Variants in TIFA observed in about 807,000 individuals in gnomAD.
TIFA encodes TRAF interacting protein with forkhead associated domain, also known as TRAF-interacting protein with FHA domain-containing protein A.
For missense variants in TIFA, 186 were observed against 215.2 expected (o/e 0.86, Z 0.85); for synonymous variants, 75 against 79.2 (o/e 0.95, Z 0.28).
In TIFA at chr4:112,277,108, T is replaced by G. The variant is rs1727130495; in HGVS notation, c.*754A>C. 1 of 152,232 alleles carries G rather than the reference T, an allele frequency of 6.6e-6. No homozygotes were observed. Among genetic ancestry groups the G allele is most frequent in the South Asian group, 2.1e-4 (1 of 4,834 alleles). The allele number at this position is 152,232 out of a possible 1,614,324, so 9.4% of individuals were successfully genotyped here. A position where few individuals can be genotyped will look rare whatever the true frequency, so the allele number is the denominator to read the frequency against. On this transcript the variant is annotated 3_prime_UTR_variant, in exon 2 of 2. Transcript: ENST00000361717. The stretch of plus-strand genomic sequence containing the variant: ...GGCTAATTAAACTTTGATTTTATTA[T>G]GTACATGGATACTATTAAAAAGGTG...
rs1727071530 is a variant in TIFA, at chr4:112,274,630, A to C, written c.*3232T>G. The C allele has an allele frequency of 6.6e-6, 1 of 152,230 alleles. No individual in the cohort carries two copies. The highest frequency in any genetic ancestry group is 2.1e-4 in the South Asian group (1 of 4,838). The allele number at this position is 152,230 out of a possible 1,614,324, so 9.4% of individuals were successfully genotyped here. On this transcript the variant is annotated 3_prime_UTR_variant, in exon 2 of 2. Transcript: ENST00000361717. ...GGTAACATAAAACCATCCACCACATATACACACACACAAAGTTAACAGTAG... is the reference window on the plus strand; with the variant it reads ...GGTAACATAAAACCATCCACCACATCTACACACACACAAAGTTAACAGTAG...
rs773253158 is a variant in TIFA at position 112,278,134 on chromosome 4, T to G, written c.283A>C (p.Asn95His). Residue 95 changes from asparagine (N) to histidine (H), a missense_variant, in exon 2 of 2, where the codon AAT (asparagine) becomes CAT (histidine). Coordinates refer to ENST00000361717, the MANE Select transcript of TIFA (RefSeq NM_052864.3). The part of the protein sequence containing the change: ...FEIKNMSKKT[N>H]LIVDSRELGY... Reference sequence around the variant, plus strand: ...AGCTCTCTGCTGTCCACGATCAGATTGGTCTTTTTACTCATATTTTTTATT... The same window carrying G: ...AGCTCTCTGCTGTCCACGATCAGATGGGTCTTTTTACTCATATTTTTTATT... 2.6e-5 allele frequency: 42 copies of G among 1,613,970 alleles called. No individual in the cohort carries two copies. Among genetic ancestry groups the G allele is most frequent in the Non-Finnish European group, 3.3e-5 (39 of 1,180,024 alleles).
rs151109482 is a variant in TIFA at position 112,277,016 on chromosome 4, C to T, written c.*846G>A. 455 of 152,208 alleles carry T rather than the reference C, an allele frequency of 3.0e-3. 2 individuals carry two copies. The highest frequency in any genetic ancestry group is 0.01 in the African/African-American group (434 of 41,546). The allele number at this position is 152,208 out of a possible 1,614,324, so 9.4% of individuals were successfully genotyped here. On this transcript the variant is annotated 3_prime_UTR_variant, in exon 2 of 2. Coordinates refer to ENST00000361717, the MANE Select transcript of TIFA (RefSeq NM_052864.3). ...AGCGTTTATCATAAACATTCACATA[C>T]ATTTATCTCTGTAAAGTGGCCCAAG...
Position 112,278,484 on chromosome 4 carries a change from G to C in TIFA, c.-18-50C>G, listed in dbSNP as rs578220761. On this transcript the variant is annotated intron_variant, in intron 1 of 1. Coordinates refer to ENST00000361717, the MANE Select transcript of TIFA (RefSeq NM_052864.3). ...AGTTTCTGCTTATGCTTGAGGCATTGAGAACTTTGATTCTAACGTTTTGAT... is the reference window on the plus strand; with the variant it reads ...AGTTTCTGCTTATGCTTGAGGCATTCAGAACTTTGATTCTAACGTTTTGAT... 2,267 of 1,462,180 alleles carry C rather than the reference G, an allele frequency of 1.6e-3. 67 individuals are homozygous for C. The South Asian group carries it at 0.03, about 19-fold the overall frequency. 90.6% of individuals were successfully genotyped at this position (1,462,180 alleles called of 1,614,324 possible). A position where few individuals can be genotyped will look rare whatever the true frequency, so the allele number is the denominator to read the frequency against.
rs1255415536 is a variant in TIFA, at chr4:112,277,686, T to C, written c.*176A>G. On this transcript the variant is annotated 3_prime_UTR_variant, in exon 2 of 2. Transcript: ENST00000361717. The stretch of plus-strand genomic sequence containing the variant: ...TTGTGTAGATCCAGAATACAACAGG[T>C]GACTAAGTTAATGACTAACACAATT... The C allele has an allele frequency of 2.4e-5, 10 of 417,370 alleles. No homozygotes were observed. The highest frequency in any genetic ancestry group is 5.2e-5 in the Admixed American group (1 of 19,398). The allele number at this position is 417,370 out of a possible 1,614,324, so 25.9% of individuals were successfully genotyped here. A position where few individuals can be genotyped will look rare whatever the true frequency, so the allele number is the denominator to read the frequency against.
chr4:112,277,691 A>AG lies in TIFA; in HGVS notation c.*170_*171insC. On this transcript the variant is annotated 3_prime_UTR_variant, in exon 2 of 2. Transcript: ENST00000361717. ...TAGATCCAGAATACAACAGGTGACTAAGTTAATGACTAACACAATTTACAG... is the reference window on the plus strand; with the variant it reads ...TAGATCCAGAATACAACAGGTGACTAGAGTTAATGACTAACACAATTTACAG... The AG allele has an allele frequency of 2.1e-6, 1 of 481,910 alleles. No individual in the cohort carries two copies. The highest frequency in any genetic ancestry group is 3.3e-6 in the Non-Finnish European group (1 of 302,362). The allele number at this position is 481,910 out of a possible 1,614,324, so 29.9% of individuals were successfully genotyped here.
In TIFA at chr4:112,277,726, TGA is replaced by T. The variant is rs5861094; in HGVS notation, c.*134_*135del. The T allele has an allele frequency of 0.53, 475,030 of 895,668 alleles. 129,306 individuals are homozygous for T. The highest frequency in any genetic ancestry group is 0.77 in the African/African-American group (44,890 of 58,476). The allele number at this position is 895,668 out of a possible 1,614,324, so 55.5% of individuals were successfully genotyped here. Reference sequence around the variant, plus strand: ...CTAACACAATTTACAGACTTCAAAATGATAATACTGAATTCCAAATTTCACAG... The same window carrying T: ...CTAACACAATTTACAGACTTCAAAATTAATACTGAATTCCAAATTTCACAG... On this transcript the variant is annotated 3_prime_UTR_variant, in exon 2 of 2. Transcript: ENST00000361717.
chr4:112,285,890 G>T lies in TIFA; in HGVS notation c.-269C>A, dbSNP rs934902366. ...TGGCAGAGCACGTCCTCTCGCGCCC[G>T]GGGCCTTTGTAAAGAGCGCAGCGGT... On this transcript the variant is annotated 5_prime_UTR_variant, in exon 1 of 2. Coordinates refer to ENST00000361717, the MANE Select transcript of TIFA (RefSeq NM_052864.3). The T allele has an allele frequency of 1.3e-5, 2 of 152,202 alleles. No homozygotes were observed. The highest frequency in any genetic ancestry group is 2.9e-5 in the Non-Finnish European group (2 of 68,042). The allele number at this position is 152,202 out of a possible 1,614,324, so 9.4% of individuals were successfully genotyped here.
At chr4:112,281,765 A>T (rs945831954) in intron 1 of TIFA, 6 of 152,224 alleles carry the variant, frequency 3.9e-5, no homozygotes, top group Admixed American at 1.3e-4. Context: ...CACAAGGAGC[A>T]GCTCAGTCTG....
At chr4:112,281,688 C>G (rs1192630901) in intron 1 of TIFA, 1 of 149,648 alleles carries the variant, frequency 6.7e-6, no homozygotes, top group African/African-American at 2.5e-5. Context: ...TACTTCCAAG[C>G]AGAAACTTAA....
chr4:112,276,904 A>G lies in TIFA; in HGVS notation c.*958T>C, dbSNP rs1727125428. On this transcript the variant is annotated 3_prime_UTR_variant, in exon 2 of 2. Coordinates refer to ENST00000361717, the MANE Select transcript of TIFA (RefSeq NM_052864.3). ...AACATTCATAGCTACCTTAGTTAAGATAAGTCGAATAAGTATCTTAAATAA... is the reference window on the plus strand; with the variant it reads ...AACATTCATAGCTACCTTAGTTAAGGTAAGTCGAATAAGTATCTTAAATAA... The G allele has an allele frequency of 6.6e-6, 1 of 152,320 alleles. No individual in the cohort carries two copies. The highest frequency in any genetic ancestry group is 6.5e-5 in the Admixed American group (1 of 15,300). The allele number at this position is 152,320 out of a possible 1,614,324, so 9.4% of individuals were successfully genotyped here.
chr4:112,278,138 C>G lies in TIFA; in HGVS notation c.279G>C (p.Lys93Asn). ...CTCTGCTGTCCACGATCAGATTGGT[C>G]TTTTTACTCATATTTTTTATTTCAA... ...LSFEIKNMSK[K>N]TNLIVDSREL... The change falls in exon 2 of 2, where the codon AAG (lysine) becomes AAC (asparagine). Residue 93 changes from lysine to asparagine, a missense_variant. Lys to Asn is a moderately conservative substitution (Grantham distance 94). Transcript: ENST00000361717. 1 of 1,613,976 alleles carries G rather than the reference C, an allele frequency of 6.2e-7. No homozygotes were observed. Among genetic ancestry groups the G allele is most frequent in the Non-Finnish European group, 8.5e-7 (1 of 1,180,000 alleles).
intron 1 of TIFA, chr4:112,281,586 C>T (rs970846294): frequency 6.6e-6 from 1 of 152,188 alleles, no homozygotes; most frequent in Non-Finnish European, 1.5e-5. Flanking sequence ...GCTACCCCAT[C>T]CTTGCAGGCC....
chr4:112,277,698 T>TAAAAAAAG lies in TIFA; in HGVS notation c.*163_*164insCTTTTTTT. 1.7e-6 allele frequency: 1 copy of TAAAAAAAG among 574,174 alleles called. No homozygotes were observed. 35.6% of individuals were successfully genotyped at this position (574,174 alleles called of 1,614,324 possible). On this transcript the variant is annotated 3_prime_UTR_variant, in exon 2 of 2. Transcript: ENST00000361717. ...AGAATACAACAGGTGACTAAGTTAATGACTAACACAATTTACAGACTTCAA... is the reference window on the plus strand; with the variant it reads ...AGAATACAACAGGTGACTAAGTTAATAAAAAAAGGACTAACACAATTTACAGACTTCAA...
chr4:112,283,994 T>A (rs150295049), intron 1 of TIFA, among the ~76,000 whole-genome samples: 2 of 152,224 alleles, frequency 1.3e-5, no homozygotes, highest in South Asian at 4.1e-4. Flanking sequence ...AACAATAATA[T>A]CTGTGTTAAC....
intron 1 of TIFA, among the ~76,000 whole-genome samples, chr4:112,284,716 TGAGCACACAG>T (rs1327376908): frequency 6.6e-6 from 1 of 150,810 alleles, no homozygotes; most frequent in East Asian, 2.0e-4. Flanking sequence ...TACCGAACAC[TGAGCACACAG>T]GAGGGGAACA....
intron 1 of TIFA, among the ~76,000 whole-genome samples, chr4:112,283,154 C>A (rs747779813): frequency 7.2e-5 from 11 of 152,188 alleles, no homozygotes; most frequent in Admixed American, 4.6e-4. Context: ...CCTCTCTTAA[C>A]CATTACAAAC....
intron 1 of TIFA, among the ~76,000 whole-genome samples, chr4:112,284,385 T>A (rs1485548304): frequency 6.6e-6 from 1 of 152,082 alleles, no homozygotes; most frequent in East Asian, 1.9e-4. Flanking sequence ...CCAAAGGGTG[T>A]TCGGCCTTAA....
In TIFA at chr4:112,278,048, CTG is replaced by C. The variant is rs1443404553; in HGVS notation, c.367_368del (p.Gln123ValfsTer15). 6.2e-7 allele frequency: 1 copy of C among 1,614,032 alleles called. No individual in the cohort carries two copies. Among genetic ancestry groups the C allele is most frequent in the Non-Finnish European group, 8.5e-7 (1 of 1,179,994 alleles). The part of the protein sequence containing the change: ...YRCMVRFGEY[Q>X]FLMEKEDGES... ...CGCCATCTTCCTTCTCCATCAGAAA[CTG>C]ATACTCTCCGAATCTGACCATGCAC... On this transcript the variant is annotated frameshift_variant, in exon 2 of 2. Transcript: ENST00000361717. LOFTEE classifies it low-confidence loss of function (END_TRUNC).
Sources: gnomAD v4.1 joint callset for allele counts (sites outside exome capture counted in the v4.1 genomes callset) on GRCh38, gnomAD v4.1.1 for gene constraint, MANE v1.5 for transcripts, NCBI Gene and HGNC (gene_info 2026-07-23, HGNC 2026-07-21) for gene names.